The following AHDC1 variants were observed in gnomAD, a reference collection of about 807,000 sequenced individuals.
The protein encoded by AHDC1 is transcription factor Gibbin.
In AHDC1, 7 loss-of-function variants were observed where a neutral mutation model predicts 87.9. The ratio of observed to expected loss-of-function variants is 0.08; its 90% CI spans 0.05 to 0.15. The LOEUF (loss-of-function observed/expected upper bound fraction) is 0.15, where lower values mean the gene tolerates loss of function less well. AHDC1 is among the 10% of genes least tolerant of loss of function. The probability of loss-of-function intolerance (pLI) is 1.00; values close to 1 mark genes in which losing one functional copy is unlikely to be tolerated. For missense variants in AHDC1, 1,841 were observed against 2,253.2 expected (o/e 0.82, Z 3.70); for synonymous variants, 1,051 against 1,006.8 (o/e 1.04, Z -0.83).
In AHDC1 at chr1:27,551,246, C is replaced by G. The variant is rs369838366; in HGVS notation, c.870G>C (p.Pro290=). 6.2e-7 allele frequency: 1 copy of G among 1,609,504 alleles called. No homozygotes were observed. The highest frequency in any genetic ancestry group is 1.1e-5 in the South Asian group (1 of 91,074). ...PRFLDPQALE[P]LGEALELPPL... ...GTGGCAGCTCCAGAGCTTCCCCGAG[C>G]GGCTCTAGTGCCTGCGGGTCCAGGA... Residue 290 remains proline, a synonymous_variant, in exon 8 of 9, where the codon CCG becomes CCC. Transcript: ENST00000673934.
At chr1:27,596,521 G>A (rs2089375708) in intron 3 of AHDC1, among the ~76,000 whole-genome samples, 1 of 151,944 alleles carries the variant, frequency 6.6e-6, no homozygotes, top group East Asian at 1.9e-4. Flanking sequence ...CCCTTCCCAC[G>A]TGCTTGTGCT....
chr1:27,538,400 C>CAAAAAAAAAAAAAAAAAAAAAAAAA (rs370786800), intron 8 of AHDC1, among the ~76,000 whole-genome samples: 5 of 60,718 alleles, frequency 8.2e-5, no homozygotes, highest in Admixed American at 1.9e-4. Context: ...AAGACTGTCT[C>CAAAAAAAAAAAAAAAAAAAAAAAAA]AAAAAAAAAA....
intron 3 of AHDC1, among the ~76,000 whole-genome samples, chr1:27,594,990 T>C (rs1029147784): frequency 6.6e-6 from 1 of 151,842 alleles, no homozygotes; most frequent in African/African-American, 2.4e-5. Flanking sequence ...GCTGAGACTG[T>C]CTGGGAAGCG....
chr1:27,585,463 A>C (rs1345259904), intron 3 of AHDC1, among the ~76,000 whole-genome samples: 1 of 152,104 alleles, frequency 6.6e-6, no homozygotes, highest in Non-Finnish European at 1.5e-5. Context: ...ATCTGTTTAT[A>C]AAGTTGGAAT....
At chr1:27,571,376 C>G (rs997360202) in intron 3 of AHDC1, among the ~76,000 whole-genome samples, 8 of 152,284 alleles carry the variant, frequency 5.3e-5, no homozygotes, top group African/African-American at 1.9e-4. Flanking sequence ...AGACCAGGCA[C>G]AGAGGCAGGC....
intron 3 of AHDC1, among the ~76,000 whole-genome samples, chr1:27,592,883 G>C (rs917785896): frequency 7.0e-6 from 1 of 143,288 alleles, no homozygotes; most frequent in Non-Finnish European, 1.5e-5. Context: ...CCAGCTCAGA[G>C]AGGCTTGGGC....
In AHDC1 at chr1:27,550,389, G is replaced by A. The variant is rs757340259; in HGVS notation, c.1727C>T (p.Ala576Val). The change falls in exon 8 of 9, where the codon GCG becomes GTG. Residue 576 changes from alanine to valine, a missense_variant. Ala to Val is a moderately conservative substitution (Grantham distance 64, BLOSUM62 0). Coordinates refer to ENST00000673934, the MANE Select transcript of AHDC1 (RefSeq NM_001371928.1). ...VVAAEAATVAAATMAMPEVKK... is the reference protein window; with the variant it reads ...VVAAEAATVAVATMAMPEVKK... Reference sequence around the variant, plus strand: ...TACCTCTGGCATGGCCATGGTGGCCGCTGCCACAGTGGCTGCCTCGGCCGC... The same window carrying A: ...TACCTCTGGCATGGCCATGGTGGCCACTGCCACAGTGGCTGCCTCGGCCGC... 50 of 1,612,714 alleles carry A rather than the reference G, an allele frequency of 3.1e-5. No individual in the cohort carries two copies. The highest frequency in any genetic ancestry group is 5.0e-5 in the Admixed American group (3 of 59,992).
In AHDC1 at chr1:27,534,930, C is replaced by T. The variant is rs990544053; in HGVS notation, c.*44-14G>A. The T allele has an allele frequency of 2.0e-5, 3 of 152,046 alleles. No individual in the cohort carries two copies. Among genetic ancestry groups the T allele is most frequent in the African/African-American group, 7.3e-5 (3 of 41,356 alleles). The allele number at this position is 152,046 out of a possible 1,614,324, so 9.4% of individuals were successfully genotyped here. On this transcript the variant is annotated splice_polypyrimidine_tract_variant and intron_variant, in intron 8 of 8. Coordinates refer to ENST00000673934, the MANE Select transcript of AHDC1 (RefSeq NM_001371928.1). ...GTTTTCTGAAAGCTGCAAAGAAACA[C>T]AAGAGAAGAGGCAGGAGTGAGCGGC...
At chr1:27,568,630 C>A (rs1036745824) in intron 3 of AHDC1, among the ~76,000 whole-genome samples, 1 of 151,868 alleles carries the variant, frequency 6.6e-6, no homozygotes, top group African/African-American at 2.4e-5. Context: ...ATTGGTAGCA[C>A]CTGGAGTGAT....
At position 27,560,247 on chromosome 1, in the gene AHDC1, T is replaced by C. The variant is rs554595960; in HGVS notation, c.-628-1364A>G. Among the ~76,000 whole-genome samples the C allele has an allele frequency of 3.3e-5, 5 of 152,196 alleles. No individual in the cohort carries two copies. In the East Asian group the frequency reaches 9.6e-4, roughly 29 times the overall value. On this transcript the variant is annotated intron_variant, in intron 3 of 8. Coordinates refer to ENST00000673934, the MANE Select transcript of AHDC1 (RefSeq NM_001371928.1). The surrounding 1 kb of genome is among the most constrained non-coding windows in gnomAD (Gnocchi z 4.1). ...GTGAGTCTAGCTAAGCCTGTTTGTG[T>C]GTGAGGACACAGGGGTGCATGTGTG...
chr1:27,543,488 A>G (rs1381389739), intron 8 of AHDC1, among the ~76,000 whole-genome samples: 1 of 152,110 alleles, frequency 6.6e-6, no homozygotes, highest in Non-Finnish European at 1.5e-5. Flanking sequence ...CTTCTAATCC[A>G]CATTGGGATG....
chr1:27,535,961 C>G (rs537181049), intron 8 of AHDC1, among the ~76,000 whole-genome samples: 1 of 152,066 alleles, frequency 6.6e-6, no homozygotes, highest in Non-Finnish European at 1.5e-5. Context: ...TTAGCCTGGT[C>G]CTTTCAGACT....
In AHDC1 at chr1:27,562,894, A is replaced by G. The variant is rs1365496363; in HGVS notation, c.-628-4011T>C. 6.6e-6 allele frequency among the ~76,000 whole-genome samples: 1 copy of G among 152,022 alleles called. No individual in the cohort carries two copies. Among genetic ancestry groups the G allele is most frequent in the South Asian group, 2.1e-4 (1 of 4,826 alleles). On this transcript the variant is annotated intron_variant, in intron 3 of 8. Transcript: ENST00000673934. The surrounding 1 kb of genome is among the most constrained non-coding windows in gnomAD (Gnocchi z 4.4). ...CACATGGTGACATCTCACACACACA[A>G]CAGCCAGAGACAGGCGCACAAGTTG...
At chr1:27,544,674 C>T (rs1297852480) in intron 8 of AHDC1, among the ~76,000 whole-genome samples, 2 of 152,198 alleles carry the variant, frequency 1.3e-5, no homozygotes, top group Admixed American at 6.5e-5. Flanking sequence ...TTTCTCATTC[C>T]CGTGGTGATT....
At position 27,547,049 on chromosome 1, in the gene AHDC1, C is replaced by G. The variant is rs2019199538; in HGVS notation, c.*43+212G>C. Among the ~76,000 whole-genome samples the G allele has an allele frequency of 1.3e-5, 2 of 151,796 alleles. No homozygotes were observed. Among genetic ancestry groups the G allele is most frequent in the South Asian group, 4.2e-4 (2 of 4,802 alleles). On this transcript the variant is annotated intron_variant, in intron 8 of 8. Coordinates refer to ENST00000673934, the MANE Select transcript of AHDC1 (RefSeq NM_001371928.1). This position sits in a 1 kb window ranked among gnomAD's most constrained non-coding sequence, Gnocchi z 4.9. ...AAGACCCCCCCGAACGTTCAAGCCC[C>G]CTGCTGAGTTCCCAGCCCAAGCACC...
intron 3 of AHDC1, among the ~76,000 whole-genome samples, chr1:27,564,028 G>A (rs965223738): frequency 6.6e-6 from 1 of 152,150 alleles, no homozygotes; most frequent in African/African-American, 2.4e-5. Flanking sequence ...GAAGAGTATG[G>A]GATAATGGCT....
intron 3 of AHDC1, among the ~76,000 whole-genome samples, chr1:27,601,982 C>A (rs890060384): frequency 6.6e-6 from 1 of 152,208 alleles, no homozygotes; most frequent in Admixed American, 6.5e-5. Context: ...ACCAACTGGT[C>A]CGGCGGGAAA....
rs756410788 is a variant in AHDC1 at position 27,563,614 on chromosome 1, C to T, written c.-628-4731G>A. 3.7e-4 allele frequency among the ~76,000 whole-genome samples: 57 copies of T among 152,330 alleles called. No homozygotes were observed. Among genetic ancestry groups the T allele is most frequent in the Non-Finnish European group, 3.4e-4 (23 of 68,024 alleles). On this transcript the variant is annotated intron_variant, in intron 3 of 8. Transcript: ENST00000673934. The surrounding 1 kb of genome is among the most constrained non-coding windows in gnomAD (Gnocchi z 6.1). ...GCCTGCAGAGGCGTCACAGCTCACA[C>T]GGCATGAATGTCACCCCAGCACTGC...
At chr1:27,571,836 T>C (rs1327313365) in intron 3 of AHDC1, among the ~76,000 whole-genome samples, 1 of 151,970 alleles carries the variant, frequency 6.6e-6, no homozygotes, top group Non-Finnish European at 1.5e-5. Context: ...CGGCAGTCGC[T>C]AATGGCAGAC....
Sources: allele counts gnomAD v4.1 joint callset (sites outside exome capture counted in the v4.1 genomes callset), GRCh38; gene constraint gnomAD v4.1.1; non-coding constraint Gnocchi (gnomAD v3.1); transcripts MANE v1.5; gene names NCBI Gene and HGNC (gene_info 2026-07-23, HGNC 2026-07-21).